The following KCNH1 variants were observed in gnomAD, a reference collection of about 807,000 sequenced individuals.
The protein encoded by KCNH1 is potassium voltage-gated channel subfamily H member 1, also known as voltage-gated delayed rectifier potassium channel KCNH1.
A neutral mutation model predicts 69.2 loss-of-function variants in KCNH1; 27 were observed. The ratio of observed to expected loss-of-function variants is 0.39; its 90% confidence interval spans 0.29 to 0.54. The LOEUF (loss-of-function observed/expected upper bound fraction) is 0.54, where lower values mean the gene tolerates loss of function less well. Among genes scored for constraint, KCNH1 ranks in the 20% least tolerant of loss-of-function variants. KCNH1 has a pLI of 0.68. For synonymous variants in KCNH1, 456 were observed against 487.7 expected (o/e 0.93, Z 0.86); for missense variants, 798 against 1,261.6 (o/e 0.63, Z 5.57).
chr1:210,713,923 T>C (rs2149019055), intron 10 of KCNH1, among the ~76,000 whole-genome samples: 1 of 152,300 alleles, frequency 6.6e-6, no homozygotes, highest in East Asian at 1.9e-4. Flanking sequence ...AAATCAGACC[T>C]GTGTCCTGGG....
intron 7 of KCNH1, among the ~76,000 whole-genome samples, chr1:210,811,524 T>C (rs2102415678): frequency 6.6e-6 from 1 of 152,312 alleles, no homozygotes; most frequent in South Asian, 2.1e-4. Context: ...TCTCATTCTT[T>C]TTGTCTTTAT....
At chr1:210,731,129 A>C (rs1314639684) in intron 10 of KCNH1, among the ~76,000 whole-genome samples, 2 of 152,240 alleles carry the variant, frequency 1.3e-5, no homozygotes, top group Non-Finnish European at 2.9e-5. Context: ...TATCTGTCCA[A>C]TTAGGTGGAA....
At chr1:210,701,402 C>T (rs139644622) in intron 10 of KCNH1, among the ~76,000 whole-genome samples, 5 of 152,222 alleles carry the variant, frequency 3.3e-5, no homozygotes, top group African/African-American at 1.2e-4. Context: ...AGACTAATCA[C>T]TATATAGGTG....
At position 211,130,169 on chromosome 1, in the gene KCNH1, T is replaced by C. The variant is rs529089982; in HGVS notation, c.79+3698A>G. Among the ~76,000 whole-genome samples the C allele has an allele frequency of 2.0e-5, 3 of 152,342 alleles. No homozygotes were observed. In the East Asian group the frequency reaches 5.8e-4, roughly 29 times the overall value. On this transcript the variant is annotated intron_variant, in intron 1 of 10. Coordinates refer to ENST00000271751, the MANE Select transcript of KCNH1 (RefSeq NM_172362.3). ...AAGAGAAACAGGCTGGTTTTGCCTA[T>C]GTGGCAACAAAGCCAGTAGGATTTA...
intron 6 of KCNH1, among the ~76,000 whole-genome samples, chr1:210,951,949 T>C (rs1444812064): frequency 1.3e-5 from 2 of 152,174 alleles, no homozygotes; most frequent in African/African-American, 4.8e-5. Context: ...CAGCCCCCTC[T>C]GGCCCTCCTT....
intron 7 of KCNH1, among the ~76,000 whole-genome samples, chr1:210,822,772 A>G (rs929542673): frequency 5.9e-5 from 9 of 152,132 alleles, no homozygotes; most frequent in Non-Finnish European, 8.8e-5. Flanking sequence ...TTCAAGACCC[A>G]GCTCAAATGC....
intron 3 of KCNH1, among the ~76,000 whole-genome samples, chr1:211,096,152 C>T (rs1364143053): frequency 1.3e-5 from 2 of 152,134 alleles, no homozygotes; most frequent in African/African-American, 2.4e-5. Context: ...CAACTTCCAC[C>T]TCCCAGGCTC....
At chr1:210,797,865 C>T in intron 8 of KCNH1, 105 bp from the exon 9 acceptor site, 1 of 1,315,422 alleles carries the variant, frequency 7.6e-7, no homozygotes, top group South Asian at 1.4e-5. Context: ...CGCCAGACTG[C>T]ACTCTTCTAA....
chr1:210,880,342 T>C (rs551505362), intron 7 of KCNH1, among the ~76,000 whole-genome samples: 12 of 152,298 alleles, frequency 7.9e-5, no homozygotes, highest in African/African-American at 2.9e-4. Flanking sequence ...TCAAGACTTA[T>C]TATTAAAAGC....
intron 7 of KCNH1, among the ~76,000 whole-genome samples, chr1:210,901,811 C>T (rs538082854): frequency 2.1e-4 from 32 of 152,298 alleles, no homozygotes; most frequent in African/African-American, 7.2e-4. Context: ...GTCTTATATT[C>T]CATTTATCTG....
chr1:210,850,539 A>G (rs1487532380), intron 7 of KCNH1, among the ~76,000 whole-genome samples: 1 of 152,186 alleles, frequency 6.6e-6, no homozygotes, highest in Non-Finnish European at 1.5e-5. Context: ...TTAAAAAAGC[A>G]TTTGGATCTG....
At chr1:211,125,463 A>G (rs1406512805) in intron 1 of KCNH1, among the ~76,000 whole-genome samples, 1 of 152,248 alleles carries the variant, frequency 6.6e-6, no homozygotes, top group Admixed American at 6.5e-5. Context: ...TTAAATATCA[A>G]TTTAATGGAA....
intron 10 of KCNH1, among the ~76,000 whole-genome samples, chr1:210,709,156 AAAT>A (rs1222601124): frequency 6.6e-6 from 1 of 152,128 alleles, no homozygotes; most frequent in Non-Finnish European, 1.5e-5. Context: ...GGCTGAAGCA[AAAT>A]AATTATTTAA....
At chr1:210,735,773 A>ACATG (rs1190800365) in intron 10 of KCNH1, among the ~76,000 whole-genome samples, 2 of 151,336 alleles carry the variant, frequency 1.3e-5, no homozygotes, top group Admixed American at 6.6e-5. Context: ...ACACACATGC[A>ACATG]CATGCATGCA....
chr1:210,795,938 T>C (rs2798145), intron 9 of KCNH1, among the ~76,000 whole-genome samples: 91,570 of 149,188 alleles, frequency 0.61, 28,481 homozygotes, highest in African/African-American at 0.66. Context: ...CTGGCTAACA[T>C]GGTGAAACCC....
chr1:210,733,247 C>T (rs1393708896), intron 10 of KCNH1, among the ~76,000 whole-genome samples: 3 of 152,070 alleles, frequency 2.0e-5, no homozygotes, highest in Non-Finnish European at 4.4e-5. Flanking sequence ...GGAACTCAAT[C>T]AAATGAGCTT....
At chr1:211,064,145 G>T (rs746277630) in intron 5 of KCNH1, among the ~76,000 whole-genome samples, 1 of 152,044 alleles carries the variant, frequency 6.6e-6, no homozygotes, top group Non-Finnish European at 1.5e-5. Flanking sequence ...TATCAACAGG[G>T]GATAGCTGAA....
chr1:211,117,975 C>A (rs1392070733), intron 1 of KCNH1, among the ~76,000 whole-genome samples: 1 of 152,172 alleles, frequency 6.6e-6, no homozygotes, highest in Non-Finnish European at 1.5e-5. Context: ...TGGGTCATTT[C>A]AAAAACAGCA....
intron 6 of KCNH1, among the ~76,000 whole-genome samples, chr1:211,000,792 A>G (rs372485773): frequency 5.9e-5 from 9 of 152,350 alleles, no homozygotes; most frequent in Admixed American, 3.9e-4. Flanking sequence ...CCAAAACAGC[A>G]TGGTACTGGT....
Sources: gnomAD v4.1 joint callset for allele counts (sites outside exome capture counted in the v4.1 genomes callset) on GRCh38, gnomAD v4.1.1 for gene constraint, MANE v1.5 for transcripts, NCBI Gene and HGNC (gene_info 2026-07-23, HGNC 2026-07-21) for gene names.